Variants in ADGB observed in about 807,000 individuals in gnomAD.
ADGB encodes androglobin.
ADGB carries 172 observed loss-of-function variants against 210.5 expected under a neutral mutation model. The observed-to-expected ratio is 0.82, with a 90% CI of 0.72 to 0.93. The LOEUF (loss-of-function observed/expected upper bound fraction) is 0.93, where lower values mean the gene tolerates loss of function less well. Ranked by LOEUF, ADGB falls within the 40% of genes least tolerant of loss-of-function variation. ADGB has a pLI of 0.00. For synonymous variants in ADGB, 658 were observed against 662.7 expected, an observed-to-expected ratio of 0.99 and a Z score of 0.11; for missense variants, 2,025 against 1,964.8, an observed-to-expected ratio of 1.03 and a Z score of -0.58.
intron 21 of ADGB, 95 bp downstream of exon 21, chr6:146,733,350 T>G: frequency 1.6e-6 from 2 of 1,255,668 alleles, no homozygotes; most frequent in East Asian, 2.7e-5. Flanking sequence ...GTGGAATAAG[T>G]CTGTGTGGAC....
At chr6:146,649,265 A>C (rs1027216750) in intron 3 of ADGB, among the ~76,000 whole-genome samples, 1 of 151,752 alleles carries the variant, frequency 6.6e-6, no homozygotes, top group African/African-American at 2.4e-5. Context: ...GATAACTCAG[A>C]AGATTTATCC....
At chr6:146,745,648 A>G (rs1306417491) in intron 25 of ADGB, among the ~76,000 whole-genome samples, 1 of 152,234 alleles carries the variant, frequency 6.6e-6, no homozygotes, top group East Asian at 1.9e-4. Context: ...AGAAGAGGAC[A>G]TAGTAATCAT....
Position 146,708,427 on chromosome 6 carries a change from T to C in ADGB, c.1708-6955T>C, listed in dbSNP as rs537662776. ...TCTTGTGGTGATGAATTCCCTCAGC[T>C]TTTTTTGTTTGGGAAAGTTTTTATC... On this transcript the variant is annotated intron_variant, in intron 13 of 35. Coordinates refer to ENST00000397944, the MANE Select transcript of ADGB (RefSeq NM_024694.4). Among the ~76,000 whole-genome samples, 3 of 152,104 alleles carry C rather than the reference T, an allele frequency of 2.0e-5. No homozygotes were observed. The South Asian group carries it at 6.2e-4, about 31-fold the overall frequency.
At chr6:146,739,877 T>C (rs2114596689) in intron 23 of ADGB, among the ~76,000 whole-genome samples, 1 of 152,288 alleles carries the variant, frequency 6.6e-6, no homozygotes, top group East Asian at 1.9e-4. Flanking sequence ...TGTCACAGCC[T>C]TCCAGGGGGA....
chr6:146,756,308 A>C (rs1312126755), intron 27 of ADGB, among the ~76,000 whole-genome samples: 1 of 152,132 alleles, frequency 6.6e-6, no homozygotes, highest in East Asian at 1.9e-4. Flanking sequence ...TTTCTGCAAG[A>C]TAGACCTTGC....
chr6:146,677,089 A>G (rs9386164), intron 9 of ADGB, among the ~76,000 whole-genome samples: 40,952 of 151,894 alleles, frequency 0.27, 6,172 homozygotes, highest in African/African-American at 0.42. Context: ...ATTTGGACTT[A>G]CAAATTATTT....
intron 12 of ADGB, among the ~76,000 whole-genome samples, chr6:146,698,021 A>C (rs1487617976): frequency 6.6e-6 from 1 of 152,222 alleles, no homozygotes; most frequent in Non-Finnish European, 1.5e-5. Context: ...AATATACAGT[A>C]AGAAAAGAAC....
chr6:146,650,382 C>T (rs1372854009), intron 3 of ADGB, among the ~76,000 whole-genome samples: 1 of 151,798 alleles, frequency 6.6e-6, no homozygotes, highest in Non-Finnish European at 1.5e-5. Flanking sequence ...AAATAGAGAG[C>T]TTTAGAAGAC....
intron 2 of ADGB, among the ~76,000 whole-genome samples, chr6:146,640,626 T>C (rs964995976): frequency 2.0e-5 from 3 of 152,152 alleles, no homozygotes; most frequent in African/African-American, 7.2e-5. Context: ...TCAATAAATG[T>C]GATTCATCAC....
chr6:146,766,294 G>A (rs1489788042), intron 28 of ADGB, among the ~76,000 whole-genome samples: 1 of 152,000 alleles, frequency 6.6e-6, no homozygotes, highest in Non-Finnish European at 1.5e-5. Context: ...AGGCATGGTG[G>A]CAGGTGTCTG....
rs990060951 is a variant in ADGB at position 146,785,649 on chromosome 6, A to C, written c.4252A>C (p.Lys1418Gln). The part of the protein sequence containing the change: ...ARLHYLSGFI[K>Q]KTSDAESPPI... ...TTTGCATTACCTTAGCGGGTTCATT[A>C]AGAAAACATCTGATGCTGAGAGTCC... Residue 1418 changes from lysine (K) to glutamine (Q), a missense_variant, in exon 32 of 36, where the codon AAG (lysine) becomes CAG (glutamine). Lys to Gln is a moderately conservative substitution (Grantham distance 53, BLOSUM62 1). Transcript: ENST00000397944. 1.0e-5 allele frequency: 16 copies of C among 1,551,144 alleles called. No homozygotes were observed. Among genetic ancestry groups the C allele is most frequent in the Non-Finnish European group, 1.2e-5 (14 of 1,146,670 alleles).
intron 27 of ADGB, among the ~76,000 whole-genome samples, chr6:146,760,392 A>G (rs1590703): frequency 0.52 from 78,318 of 151,630 alleles, 21,155 homozygotes; most frequent in African/African-American, 0.65. Flanking sequence ...TTTGCTCAGC[A>G]TAATGTTTTT....
Position 146,703,263 on chromosome 6 carries a change from TA to T in ADGB, c.1707+2199del, listed in dbSNP as rs1023592534. ...CTTTTTAAAATTTATTTTTAATCGA[TA>T]AAAAATATATGCATTTATAGTGTAA... On this transcript the variant is annotated intron_variant, in intron 13 of 35. Coordinates refer to ENST00000397944, the MANE Select transcript of ADGB (RefSeq NM_024694.4). 7.9e-5 allele frequency among the ~76,000 whole-genome samples: 12 copies of T among 152,084 alleles called. No individual in the cohort carries two copies. The South Asian group carries it at 1.7e-3, about 21-fold the overall frequency.
At chr6:146,649,733 C>A (rs1331503758) in intron 3 of ADGB, among the ~76,000 whole-genome samples, 1 of 152,046 alleles carries the variant, frequency 6.6e-6, no homozygotes, top group Non-Finnish European at 1.5e-5. Flanking sequence ...TTCAAGCAAT[C>A]TGTCTACCTT....
chr6:146,754,070 T>C (rs889197788), intron 27 of ADGB, among the ~76,000 whole-genome samples: 5 of 151,464 alleles, frequency 3.3e-5, no homozygotes, highest in African/African-American at 1.2e-4. Context: ...TTTTTCACTA[T>C]ATAAGAAAAT....
chr6:146,686,402 C>G (rs1776234424), intron 10 of ADGB, among the ~76,000 whole-genome samples: 1 of 151,618 alleles, frequency 6.6e-6, no homozygotes, highest in Non-Finnish European at 1.5e-5. Context: ...AGGCATAGGC[C>G]CTATTAACAT....
chr6:146,740,544 A>G lies in ADGB; in HGVS notation c.2974A>G (p.Thr992Ala). ...EETKIAFADYTVTYQEQPPNS... is the reference protein window; with the variant it reads ...EETKIAFADYAVTYQEQPPNS... ...AACTAAGATTGCTTTTGCAGATTATACTGTGACTTATCAAGAACAGCCACC... is the reference window on the plus strand; with the variant it reads ...AACTAAGATTGCTTTTGCAGATTATGCTGTGACTTATCAAGAACAGCCACC... Residue 992 changes from threonine to alanine, a missense_variant, in exon 24 of 36, where the codon ACT becomes GCT. Thr to Ala is a moderately conservative substitution (Grantham distance 58). Coordinates refer to ENST00000397944, the MANE Select transcript of ADGB (RefSeq NM_024694.4). The G allele has an allele frequency of 1.3e-6, 2 of 1,550,940 alleles. No homozygotes were observed. Among genetic ancestry groups the G allele is most frequent in the Non-Finnish European group, 1.7e-6 (2 of 1,146,572 alleles).
At chr6:146,749,486 A>C (rs779361973) in intron 26 of ADGB, among the ~76,000 whole-genome samples, 3 of 152,162 alleles carry the variant, frequency 2.0e-5, no homozygotes, top group South Asian at 2.1e-4. Flanking sequence ...CTGTGCTCAT[A>C]GTGGAAGAGT....
intron 3 of ADGB, among the ~76,000 whole-genome samples, chr6:146,647,435 G>T (rs531752007): frequency 3.3e-5 from 5 of 152,018 alleles, no homozygotes; most frequent in Non-Finnish European, 7.4e-5. Flanking sequence ...ATGAAAAAAA[G>T]TACTTGAAGT....
Sources: gnomAD v4.1 joint callset for allele counts (sites outside exome capture counted in the v4.1 genomes callset) on GRCh38, gnomAD v4.1.1 for gene constraint, MANE v1.5 for transcripts, NCBI Gene and HGNC (gene_info 2026-07-23, HGNC 2026-07-21) for gene names.